The following SH3KBP1 variants were observed in gnomAD, a reference collection of about 807,000 sequenced individuals.
SH3KBP1 encodes SH3 domain-containing kinase-binding protein 1.
Under a neutral mutation model 50.1 loss-of-function variants are expected in SH3KBP1, and 8 were observed. That is an observed-to-expected ratio of 0.16 (90% CI 0.09 to 0.29). The LOEUF is 0.29. Among genes scored for constraint, SH3KBP1 ranks in the 10% least tolerant of loss-of-function variants. SH3KBP1 has a pLI of 1.00. For synonymous variants in SH3KBP1, 227 were observed against 218.6 expected (o/e 1.04, Z -0.34); for missense variants, 377 against 535.2 (o/e 0.70, Z 2.92).
intron 12 of SH3KBP1, among the ~76,000 whole-genome samples, chrX:19,588,126 G>A (rs1477584779): frequency 8.9e-6 from 1 of 111,828 alleles, no homozygotes; most frequent in Non-Finnish European, 1.9e-5. Context: ...CAGCCGTTGA[G>A]GGTCTTAGAG....
chrX:19,601,103 T>C (rs2067075314), intron 9 of SH3KBP1, among the ~76,000 whole-genome samples: 1 of 111,853 alleles, frequency 8.9e-6, no homozygotes, highest in Non-Finnish European at 1.9e-5. Context: ...AGTCTTCATA[T>C]ATGGAGGGAG....
intron 3 of SH3KBP1, among the ~76,000 whole-genome samples, chrX:19,730,449 T>C (rs1383240377): frequency 9.0e-6 from 1 of 111,726 alleles, no homozygotes; most frequent in African/African-American, 3.3e-5. Context: ...TATTTTCCTT[T>C]GTAAGGAATG....
chrX:19,887,357 G>C lies in SH3KBP1; in HGVS notation c.-47C>G, dbSNP rs897662496. 4.2e-6 allele frequency: 4 copies of C among 958,898 alleles called. No individual in the cohort carries two copies. Among genetic ancestry groups the C allele is most frequent in the Non-Finnish European group, 5.2e-6 (4 of 764,928 alleles). The allele number at this position is 958,898 out of a possible 1,213,427, so 79.0% of individuals were successfully genotyped here. A position where few individuals can be genotyped will look rare whatever the true frequency, so the allele number is the denominator to read the frequency against. On this transcript the variant is annotated 5_prime_UTR_variant, in exon 1 of 18. Transcript: ENST00000397821. ...CGCCGAGGCAGCGTGAAAGTTGGCG[G>C]AGGCGGGCGTGGGGGTTGGGGCGCC...
rs1427576574 is a variant in SH3KBP1 at position 19,760,035 on chromosome X, TCTCTCC to T, written c.163-13600_163-13595del. 3.8e-3 allele frequency among the ~76,000 whole-genome samples: 245 copies of T among 65,193 alleles called. 9 individuals are homozygous for T. The highest frequency in any genetic ancestry group is 0.018 in the African/African-American group (226 of 12,478). The allele number at this position is 65,193 out of a possible 115,157, so 56.6% of individuals were successfully genotyped here. On this transcript the variant is annotated intron_variant, in intron 2 of 17. Transcript: ENST00000397821. The stretch of plus-strand genomic sequence containing the variant: ...TCTCTCTCTCTCTCCTCTCTCTCTC[TCTCTCC>T]CTCTCTCTCTCTCTCTCTCTCTCTC...
intron 2 of SH3KBP1, among the ~76,000 whole-genome samples, chrX:19,769,075 ATTTTT>A (rs36059368): frequency 1.2e-5 from 1 of 81,153 alleles, no homozygotes. Flanking sequence ...CTGCGTTATA[ATTTTT>A]TTTTTTTTTT....
chrX:19,670,847 A>T, intron 6 of SH3KBP1: 1 of 1,138,274 alleles, frequency 8.8e-7, no homozygotes. Flanking sequence ...AGCAAAAAAA[A>T]AAAAAAAGAA....
chrX:19,616,614 T>C (rs969100711), intron 8 of SH3KBP1, among the ~76,000 whole-genome samples: 1 of 111,561 alleles, frequency 9.0e-6, no homozygotes, highest in African/African-American at 3.3e-5. Flanking sequence ...GCTGAGCAAC[T>C]GTGCATGCTG....
At chrX:19,826,476 G>A (rs2067674204) in intron 2 of SH3KBP1, among the ~76,000 whole-genome samples, 1 of 109,942 alleles carries the variant, frequency 9.1e-6, no homozygotes, top group Non-Finnish European at 1.9e-5. Context: ...AGCCCAGGAG[G>A]GCAACCAGCG....
At chrX:19,695,836 G>A (rs2063403109) in intron 4 of SH3KBP1, 95 bp from the exon 5 acceptor site, 4 of 842,671 alleles carry the variant, frequency 4.7e-6, no homozygotes, top group Non-Finnish European at 6.8e-6. Flanking sequence ...GTAGCATGCA[G>A]AGCCCACACA....
chrX:19,662,380 A>G (rs1050497234), intron 6 of SH3KBP1, among the ~76,000 whole-genome samples: 10 of 112,109 alleles, frequency 8.9e-5, no homozygotes, highest in African/African-American at 3.2e-4. Context: ...TCTGTAAGGG[A>G]CTGAAAAAAA....
intron 13 of SH3KBP1, among the ~76,000 whole-genome samples, chrX:19,566,876 C>T (rs749428936): frequency 3.8e-4 from 42 of 111,312 alleles, no homozygotes; most frequent in Non-Finnish European, 7.5e-4. Flanking sequence ...CCAGAGACTG[C>T]AGGTCAGCAG....
At chrX:19,543,098 C>T (rs948009932) in intron 15 of SH3KBP1, among the ~76,000 whole-genome samples, 1 of 111,365 alleles carries the variant, frequency 9.0e-6, no homozygotes, top group East Asian at 2.8e-4. Flanking sequence ...CAAGCACAGC[C>T]GACATAGAGC....
intron 7 of SH3KBP1, among the ~76,000 whole-genome samples, chrX:19,638,798 G>C (rs2061780418): frequency 9.0e-6 from 1 of 111,731 alleles, no homozygotes; most frequent in African/African-American, 3.3e-5. Flanking sequence ...GTGAGGAGTA[G>C]TGAAATACAT....
At chrX:19,727,488 CATA>C (rs2064250698) in intron 3 of SH3KBP1, among the ~76,000 whole-genome samples, 2 of 112,267 alleles carry the variant, frequency 1.8e-5, no homozygotes, top group African/African-American at 3.2e-5. Flanking sequence ...CAGCATGTGT[CATA>C]ATTTCTTTCC....
intron 5 of SH3KBP1, among the ~76,000 whole-genome samples, chrX:19,691,360 A>C (rs200754576): frequency 6.7e-4 from 65 of 96,472 alleles, no homozygotes; most frequent in East Asian, 4.0e-3. Context: ...CTCTCTCTAT[A>C]TATATATATA....
intron 1 of SH3KBP1, among the ~76,000 whole-genome samples, chrX:19,878,067 C>T (rs1315492590): frequency 1.8e-5 from 2 of 111,919 alleles, no homozygotes; most frequent in African/African-American, 6.5e-5. Context: ...AGTTAAGACC[C>T]ATGAGCTACC....
chrX:19,698,204 T>C lies in SH3KBP1; in HGVS notation c.391-2463A>G, dbSNP rs779428207. Among the ~76,000 whole-genome samples the C allele has an allele frequency of 3.6e-5, 4 of 111,673 alleles. No individual in the cohort carries two copies. In the South Asian group the frequency reaches 1.1e-3, roughly 31 times the overall value. On this transcript the variant is annotated intron_variant, in intron 4 of 17. Coordinates refer to ENST00000397821, the MANE Select transcript of SH3KBP1 (RefSeq NM_031892.3). ...GTCCTTCTCTCTCCCAGGAGTCACA[T>C]AGCAGGAGGAGAAAATCAAGGGCAT...
At chrX:19,858,314 G>A (rs958620637) in intron 1 of SH3KBP1, among the ~76,000 whole-genome samples, 8 of 111,547 alleles carry the variant, frequency 7.2e-5, no homozygotes, top group Admixed American at 2.9e-4. Flanking sequence ...CGCCCAGACC[G>A]TGCTTCACAA....
intron 13 of SH3KBP1, among the ~76,000 whole-genome samples, chrX:19,560,365 A>C (rs397978781): frequency 2.7e-5 from 3 of 112,175 alleles, no homozygotes; most frequent in Non-Finnish European, 3.8e-5. Flanking sequence ...GAGGCTACCA[A>C]AACAGCAGTT....
Sources: gnomAD v4.1 joint callset for allele counts (sites outside exome capture counted in the v4.1 genomes callset) on GRCh38, gnomAD v4.1.1 for gene constraint, MANE v1.5 for transcripts, NCBI Gene and HGNC (gene_info 2026-07-23, HGNC 2026-07-21) for gene names.